ERC1: variants seen among roughly 807,000 people sequenced by gnomAD.
ERC1 encodes RAB6 interacting protein 2.
A neutral mutation model predicts 132.0 loss-of-function variants in ERC1; 56 were observed. The ratio of observed to expected loss-of-function variants is 0.42; its 90% CI spans 0.34 to 0.53. ERC1 has a LOEUF of 0.53. Ranked by LOEUF, ERC1 falls within the 20% of genes least tolerant of loss-of-function variation. The pLI is 0.03. For synonymous variants in ERC1, 478 were observed against 476.1 expected (o/e 1.00, Z -0.05); for missense variants, 1,202 against 1,349.9 (o/e 0.89, Z 1.72).
At chr12:1,165,306 G>T (rs1311802542) in intron 8 of ERC1, among the ~76,000 whole-genome samples, 1 of 151,620 alleles carries the variant, frequency 6.6e-6, no homozygotes, top group East Asian at 1.9e-4. Context: ...GAATGCAGGA[G>T]AATTTTTTTT....
chr12:990,747 GC>G (rs1959174270), upstream of ERC1: 1 of 152,258 alleles, frequency 6.6e-6, no homozygotes, highest in African/African-American at 2.4e-5. Context: ...TGCTCCCGCG[GC>G]GCTTGGCTGC....
At chr12:1,418,975 A>G (rs893572181) in intron 17 of ERC1, among the ~76,000 whole-genome samples, 9 of 151,922 alleles carry the variant, frequency 5.9e-5, no homozygotes, top group Non-Finnish European at 1.3e-4. Flanking sequence ...ACGCCTCCCA[A>G]AGTTCTGTGA....
Position 1,493,902 on chromosome 12 carries a change from A to G in ERC1, c.*3672A>G. ...ACTAATCCCTCCGCTATTGAGGGTCAGGGTTGTGAGGCAACCATCATGTGT... is the reference window on the plus strand; with the variant it reads ...ACTAATCCCTCCGCTATTGAGGGTCGGGGTTGTGAGGCAACCATCATGTGT... On this transcript the variant is annotated 3_prime_UTR_variant, in exon 19 of 19. Transcript: ENST00000360905. 2 of 230,752 alleles carry G rather than the reference A, an allele frequency of 8.7e-6. No homozygotes were observed. The highest frequency in any genetic ancestry group is 1.7e-5 in the Non-Finnish European group (2 of 116,560). 14.3% of individuals were successfully genotyped at this position (230,752 alleles called of 1,614,324 possible). A position where few individuals can be genotyped will look rare whatever the true frequency, so the allele number is the denominator to read the frequency against.
intron 1 of ERC1, among the ~76,000 whole-genome samples, chr12:1,018,305 G>A (rs1263365351): frequency 1.3e-5 from 2 of 152,134 alleles, no homozygotes; most frequent in Non-Finnish European, 2.9e-5. Flanking sequence ...GGCTTCAAGC[G>A]ATTCTCCAAG....
chr12:1,279,000 T>C (rs2078473398), intron 14 of ERC1, among the ~76,000 whole-genome samples: 1 of 151,960 alleles, frequency 6.6e-6, no homozygotes. Context: ...GAACTTGGAG[T>C]GTAAATTAGT....
intron 8 of ERC1, among the ~76,000 whole-genome samples, chr12:1,178,407 G>A (rs1953980346): frequency 5.3e-5 from 8 of 152,018 alleles, no homozygotes; most frequent in Admixed American, 3.3e-4. Flanking sequence ...CAGCTGGAGG[G>A]GCAGGATCCA....
chr12:1,475,541 GAT>G (rs141899862), intron 18 of ERC1, among the ~76,000 whole-genome samples: 2,439 of 152,278 alleles, frequency 0.016, 62 homozygotes, highest in African/African-American at 0.055. Flanking sequence ...AGAGAAGAAA[GAT>G]GTGTAGGAAG....
intron 13 of ERC1, among the ~76,000 whole-genome samples, chr12:1,259,320 C>T (rs560445469): frequency 6.6e-6 from 1 of 151,884 alleles, no homozygotes; most frequent in Non-Finnish European, 1.5e-5. Context: ...GACATCTTAT[C>T]ATAGATGATG....
At chr12:1,359,062 G>A (rs1257330392) in intron 15 of ERC1, among the ~76,000 whole-genome samples, 1 of 152,102 alleles carries the variant, frequency 6.6e-6, no homozygotes, top group East Asian at 1.9e-4. Context: ...CTTGAAGTCA[G>A]GAATCCAAAA....
At chr12:1,229,199 G>C (rs901451729) in intron 12 of ERC1, among the ~76,000 whole-genome samples, 12 of 152,054 alleles carry the variant, frequency 7.9e-5, no homozygotes, top group Non-Finnish European at 1.5e-4. Context: ...CTTGTTATTG[G>C]TCTGTTCAGC....
At chr12:1,024,624 T>C (rs1966814732) in intron 1 of ERC1, among the ~76,000 whole-genome samples, 1 of 152,118 alleles carries the variant, frequency 6.6e-6, no homozygotes, top group Non-Finnish European at 1.5e-5. Context: ...GGGAAAATAT[T>C]GTTTAATATG....
At chr12:1,105,503 G>A (rs567363313) in intron 4 of ERC1, among the ~76,000 whole-genome samples, 20 of 151,964 alleles carry the variant, frequency 1.3e-4, no homozygotes, top group Non-Finnish European at 2.2e-4. Flanking sequence ...GACCACAGGC[G>A]CCTGCCACCA....
At chr12:1,166,734 A>C (rs1006161424) in intron 8 of ERC1, among the ~76,000 whole-genome samples, 6 of 152,098 alleles carry the variant, frequency 3.9e-5, no homozygotes, top group Admixed American at 6.5e-5. Context: ...TCCTGGGTAA[A>C]GATAGATTTG....
chr12:1,317,553 T>A (rs966304127), intron 15 of ERC1, among the ~76,000 whole-genome samples: 3 of 152,190 alleles, frequency 2.0e-5, no homozygotes, highest in African/African-American at 2.4e-5. Context: ...AGTATAATTT[T>A]AAAAAAAGTA....
chr12:1,434,565 C>T (rs2092898898), intron 17 of ERC1, among the ~76,000 whole-genome samples: 2 of 152,202 alleles, frequency 1.3e-5, no homozygotes, highest in Admixed American at 6.5e-5. Flanking sequence ...TCTTTGCGCT[C>T]ATTCCATTTC....
At chr12:1,288,732 C>T (rs2079206301) in intron 14 of ERC1, among the ~76,000 whole-genome samples, 1 of 152,160 alleles carries the variant, frequency 6.6e-6, no homozygotes, top group Non-Finnish European at 1.5e-5. Flanking sequence ...TCTACCTGCC[C>T]TACCTTCTAC....
intron 12 of ERC1, among the ~76,000 whole-genome samples, chr12:1,215,752 A>G (rs1958341338): frequency 6.6e-6 from 1 of 152,156 alleles, no homozygotes; most frequent in South Asian, 2.1e-4. Context: ...GGGCAGGGAC[A>G]TGAAGACATC....
At chr12:1,118,724 A>T (rs1264148369) in intron 7 of ERC1, among the ~76,000 whole-genome samples, 1 of 152,216 alleles carries the variant, frequency 6.6e-6, no homozygotes, top group Non-Finnish European at 1.5e-5. Context: ...AAGGCAGTTT[A>T]TACCAGCTCT....
At chr12:1,354,356 C>G (rs2085320259) in intron 15 of ERC1, among the ~76,000 whole-genome samples, 1 of 152,012 alleles carries the variant, frequency 6.6e-6, no homozygotes, top group Non-Finnish European at 1.5e-5. Context: ...AAACCCCTGT[C>G]TACTAAAATT....
Sources: allele counts gnomAD v4.1 joint callset (sites outside exome capture counted in the v4.1 genomes callset), GRCh38; gene constraint gnomAD v4.1.1; transcripts MANE v1.5; gene names NCBI Gene and HGNC (gene_info 2026-07-23, HGNC 2026-07-21).